Variants in PCDHGA10 observed in about 807,000 individuals in gnomAD.
The protein encoded by PCDHGA10 is protocadherin gamma-A10.
In PCDHGA10, 42 loss-of-function variants were observed where a neutral mutation model predicts 59.5. The ratio of observed to expected loss-of-function variants is 0.71; its 90% CI spans 0.55 to 0.91. PCDHGA10 has a LOEUF of 0.91. PCDHGA10 is among the 40% of genes least tolerant of loss of function. The pLI is 0.00. For missense variants in PCDHGA10, 1,111 were observed against 1,198.2 expected, an observed-to-expected ratio of 0.93 and a Z score of 1.07; for synonymous variants, 511 against 517.2, an observed-to-expected ratio of 0.99 and a Z score of 0.16.
intron 1 of PCDHGA10, among the ~76,000 whole-genome samples, chr5:141,444,150 GGATTT>G (rs2098419598): frequency 1.8e-5 from 2 of 114,012 alleles, no homozygotes; most frequent in Non-Finnish European, 3.5e-5. Flanking sequence ...TGTGTGTACT[GGATTT>G]TTTTTTTTTT....
Position 141,476,191 on chromosome 5 carries a change from C to T in PCDHGA10, c.2437-18616C>T. The T allele has an allele frequency of 6.2e-7, 1 of 1,613,860 alleles. No homozygotes were observed. The highest frequency in any genetic ancestry group is 8.5e-7 in the Non-Finnish European group (1 of 1,180,006). ...TGGGAGTTTTGCTTCTGCTTGGTGC[C>T]TTGAACAAGGCTTCCACGGTCATTC... On this transcript the variant is annotated intron_variant, in intron 1 of 3. Transcript: ENST00000398610. This position sits in a 1 kb window ranked among gnomAD's most constrained non-coding sequence, Gnocchi z 7.6.
rs372994272 is a variant in PCDHGA10, at chr5:141,485,358, G to C, written c.2437-9449G>C. On this transcript the variant is annotated intron_variant, in intron 1 of 3. Coordinates refer to ENST00000398610, the MANE Select transcript of PCDHGA10 (RefSeq NM_018913.3). This position sits in a 1 kb window ranked among gnomAD's most constrained non-coding sequence, Gnocchi z 5.7. ...CTGGATACGGACAGTCTGTCAGCTC[G>C]CAGGCTGCAGGTCGCTGGAGAGGTG... is the stretch of plus-strand genomic sequence containing the variant. 3.1e-6 allele frequency: 5 copies of C among 1,613,982 alleles called. No homozygotes were observed. Among genetic ancestry groups the C allele is most frequent in the Non-Finnish European group, 4.2e-6 (5 of 1,180,014 alleles).
At chr5:141,506,955 C>G (rs1387377785) in intron 3 of PCDHGA10, 1 of 152,244 alleles carries the variant, frequency 6.6e-6, no homozygotes, top group Non-Finnish European at 1.5e-5. Context: ...AATGAATCCT[C>G]TCAATAGCTC....
rs868008554 is a variant in PCDHGA10, at chr5:141,431,417, C to T, written c.2436+15806C>T. 1 of 1,613,666 alleles carries T rather than the reference C, an allele frequency of 6.2e-7. No homozygotes were observed. Among genetic ancestry groups the T allele is most frequent in the South Asian group, 1.1e-5 (1 of 91,082 alleles). ...CCTTACGGCCTCCGACGGGGGCGAC[C>T]CGGTGCGCACAGGCACCGCGCGCAT... On this transcript the variant is annotated intron_variant, in intron 1 of 3. Transcript: ENST00000398610. This position sits in a 1 kb window ranked among gnomAD's most constrained non-coding sequence, Gnocchi z 4.8.
chr5:141,449,537 C>T (rs1377909573), intron 1 of PCDHGA10, among the ~76,000 whole-genome samples: 1 of 146,330 alleles, frequency 6.8e-6, no homozygotes, highest in Non-Finnish European at 1.5e-5. Flanking sequence ...TGCAGTGAGC[C>T]GAGATCGCAC....
rs1419377760 is a variant in PCDHGA10 at position 141,418,687 on chromosome 5, GATCACTT to G, written c.2436+3079_2436+3085del. ...ACCAGGACGAGGGCATCAACTCAGA[GATCACTT>G]ATTCCTTCTTTGGTGTGGCTGACAA... On this transcript the variant is annotated intron_variant, in intron 1 of 3. Transcript: ENST00000398610. 6 of 1,613,928 alleles carry G rather than the reference GATCACTT, an allele frequency of 3.7e-6. No individual in the cohort carries two copies. In the African/African-American group the frequency reaches 8.0e-5, roughly 22 times the overall value.
chr5:141,477,808 C>T lies in PCDHGA10; in HGVS notation c.2437-16999C>T, dbSNP rs750186099. 2.5e-6 allele frequency: 4 copies of T among 1,613,994 alleles called. No individual in the cohort carries two copies. In the African/African-American group the frequency reaches 4.0e-5, roughly 16 times the overall value. On this transcript the variant is annotated intron_variant, in intron 1 of 3. Coordinates refer to ENST00000398610, the MANE Select transcript of PCDHGA10 (RefSeq NM_018913.3). The surrounding 1 kb of genome is among the most constrained non-coding windows in gnomAD (Gnocchi z 4.9). ...TTGTCACTGATCGCAATGACAATGC[C>T]CCCCAGGTCCTATATCCTCGGCCAG...
intron 1 of PCDHGA10, among the ~76,000 whole-genome samples, chr5:141,481,095 C>T (rs1456056389): frequency 1.3e-5 from 2 of 152,120 alleles, no homozygotes; most frequent in African/African-American, 2.4e-5. Context: ...AAAAGCAGTA[C>T]TCTGGAACCT....
intron 1 of PCDHGA10, among the ~76,000 whole-genome samples, chr5:141,436,410 G>T (rs2154557099): frequency 6.6e-6 from 1 of 152,200 alleles, no homozygotes; most frequent in East Asian, 1.9e-4. Flanking sequence ...TTGAATGAAT[G>T]GATAAACAAA....
rs2095664313 is a variant in PCDHGA10, at chr5:141,413,661, T to G, written c.486T>G (p.Ile162Met). 1 of 1,613,886 alleles carries G rather than the reference T, an allele frequency of 6.2e-7. No homozygotes were observed. The change falls in exon 1 of 4, where the codon ATT becomes ATG. Residue 162 changes from isoleucine (I) to methionine (M), a missense_variant. By Grantham distance (10) the Ile-to-Met change is conservative. Coordinates refer to ENST00000398610, the MANE Select transcript of PCDHGA10 (RefSeq NM_018913.3). ...TGCGTTTTCCTCTCCCGGAAGCTATTGATCCGGATGTGGGCGTGAACTCCC... is the reference window on the plus strand; with the variant it reads ...TGCGTTTTCCTCTCCCGGAAGCTATGGATCCGGATGTGGGCGTGAACTCCC... Reference protein sequence around the residue: ...AGMRFPLPEAIDPDVGVNSLQ... With the variant: ...AGMRFPLPEAMDPDVGVNSLQ...
chr5:141,424,149 G>T, intron 1 of PCDHGA10: 1 of 324,612 alleles, frequency 3.1e-6, no homozygotes. Flanking sequence ...GCTCCCTCTA[G>T]CTCTCCTTCT....
chr5:141,501,345 A>G (rs2099808580), intron 2 of PCDHGA10, among the ~76,000 whole-genome samples: 2 of 150,582 alleles, frequency 1.3e-5, no homozygotes, highest in East Asian at 1.9e-4. Context: ...CCCAAACTCA[A>G]TAGGGCAAGA....
rs551414580 is a variant in PCDHGA10, at chr5:141,493,693, C to T, written c.2437-1114C>T. ...GCCCCAGAATGGTGCTGGTGACTCC[C>T]GATACACCTGGAATGCTAGGTTTCT... On this transcript the variant is annotated intron_variant, in intron 1 of 3. Coordinates refer to ENST00000398610, the MANE Select transcript of PCDHGA10 (RefSeq NM_018913.3). This position sits in a 1 kb window ranked among gnomAD's most constrained non-coding sequence, Gnocchi z 4.3. 5.3e-5 allele frequency among the ~76,000 whole-genome samples: 8 copies of T among 152,168 alleles called. No individual in the cohort carries two copies. Among genetic ancestry groups the T allele is most frequent in the Non-Finnish European group, 1.0e-4 (7 of 68,032 alleles).
chr5:141,431,333 C>G lies in PCDHGA10; in HGVS notation c.2436+15722C>G. 1.2e-6 allele frequency: 2 copies of G among 1,614,058 alleles called. No individual in the cohort carries two copies. The highest frequency in any genetic ancestry group is 2.2e-5 in the South Asian group (2 of 91,088). Reference sequence around the variant, plus strand: ...AAATGGAGCCGACGGTAGTAAGTACCCCGAATTGGTGCTGAAACGCGCCCT... The same window carrying G: ...AAATGGAGCCGACGGTAGTAAGTACGCCGAATTGGTGCTGAAACGCGCCCT... On this transcript the variant is annotated intron_variant, in intron 1 of 3. Coordinates refer to ENST00000398610, the MANE Select transcript of PCDHGA10 (RefSeq NM_018913.3). The surrounding 1 kb of genome is among the most constrained non-coding windows in gnomAD (Gnocchi z 4.8).
rs770930842 is a variant in PCDHGA10 at position 141,432,673 on chromosome 5, C to G, written c.2436+17062C>G. 10 of 1,613,804 alleles carry G rather than the reference C, an allele frequency of 6.2e-6. No homozygotes were observed. The East Asian group carries it at 1.3e-4, about 22-fold the overall frequency. ...GAGCCCTGCTGGACAGAGACGCGCT[C>G]AAGCAGAGCCTCGTAGTGGCCGTCC... is the stretch of plus-strand genomic sequence containing the variant. On this transcript the variant is annotated intron_variant, in intron 1 of 3. Transcript: ENST00000398610. The surrounding 1 kb of genome is among the most constrained non-coding windows in gnomAD (Gnocchi z 6.0).
At chr5:141,471,185 A>G (rs58340688) in intron 1 of PCDHGA10, 16,257 of 151,174 alleles carry the variant, frequency 0.11, 890 homozygotes, top group South Asian at 0.15. Context: ...TAGTAGCTGG[A>G]ATTACAGGCA....
rs1297899765 is a variant in PCDHGA10, at chr5:141,431,815, C to T, written c.2436+16204C>T. ...CCCCAGAAGTGGTCCTCACCTCTCTCGCCAGCTCGGTTCCCGAAAACTCTC... is the reference window on the plus strand; with the variant it reads ...CCCCAGAAGTGGTCCTCACCTCTCTTGCCAGCTCGGTTCCCGAAAACTCTC... On this transcript the variant is annotated intron_variant, in intron 1 of 3. Transcript: ENST00000398610. The surrounding 1 kb of genome is among the most constrained non-coding windows in gnomAD (Gnocchi z 4.8). 5 of 1,614,124 alleles carry T rather than the reference C, an allele frequency of 3.1e-6. No homozygotes were observed. The Admixed American group carries it at 5.0e-5, about 16-fold the overall frequency.
chr5:141,436,337 A>G (rs1450981655), intron 1 of PCDHGA10, among the ~76,000 whole-genome samples: 1 of 152,178 alleles, frequency 6.6e-6, no homozygotes, highest in Non-Finnish European at 1.5e-5. Flanking sequence ...CATATCTCAA[A>G]TATCAGTGAC....
intron 1 of PCDHGA10, among the ~76,000 whole-genome samples, chr5:141,483,007 C>T (rs938404755): frequency 1.3e-5 from 2 of 152,022 alleles, no homozygotes; most frequent in Non-Finnish European, 2.9e-5. Flanking sequence ...ATTGCTTGAA[C>T]CCGGGAGGCA....
Sources: allele counts gnomAD v4.1 joint callset (sites outside exome capture counted in the v4.1 genomes callset), GRCh38; gene constraint gnomAD v4.1.1; non-coding constraint Gnocchi (gnomAD v3.1); transcripts MANE v1.5; gene names NCBI Gene and HGNC (gene_info 2026-07-23, HGNC 2026-07-21).